Variants in SMPD4 observed in about 807,000 individuals in gnomAD.
SMPD4 encodes the protein sphingomyelin phosphodiesterase 4.
SMPD4 carries 58 observed loss-of-function variants against 97.8 expected under a neutral mutation model. That is an observed-to-expected ratio of 0.59 (90% CI 0.48 to 0.74). The LOEUF (loss-of-function observed/expected upper bound fraction) is 0.74. SMPD4 is among the 30% of genes least tolerant of loss of function. The pLI is 0.00. For missense variants in SMPD4, 853 were observed against 1,080.5 expected (o/e 0.79, Z 2.95); for synonymous variants, 388 against 450.0 (o/e 0.86, Z 1.74).
chr2:130,170,688 C>T (rs1688371062), intron 8 of SMPD4, among the ~76,000 whole-genome samples: 1 of 151,314 alleles, frequency 6.6e-6, no homozygotes, highest in South Asian at 2.1e-4. Context: ...CACTTGAGCT[C>T]AGGAGGTCAA....
In SMPD4 at chr2:130,171,807, G is replaced by A. The variant is rs530118341; in HGVS notation, c.659+542C>T. 3.9e-5 allele frequency among the ~76,000 whole-genome samples: 6 copies of A among 152,308 alleles called. No individual in the cohort carries two copies. In the South Asian group the frequency reaches 8.3e-4, roughly 21 times the overall value. On this transcript the variant is annotated intron_variant, in intron 8 of 19. Coordinates refer to ENST00000680298, the MANE Select transcript of SMPD4 (RefSeq NM_017951.5). Reference sequence around the variant, plus strand: ...AGGTGCACAGGCAGCTGCTGCTGGGGCAAGAGGGTCTCCTGGGAAGTCGGC... The same window carrying A: ...AGGTGCACAGGCAGCTGCTGCTGGGACAAGAGGGTCTCCTGGGAAGTCGGC...
At chr2:130,156,240 C>T (rs1301071915) in intron 13 of SMPD4, 105 bp from the exon 14 acceptor site, 21 of 986,260 alleles carry the variant, frequency 2.1e-5, no homozygotes, top group Non-Finnish European at 3.1e-5. Flanking sequence ...ACTCTTCTCA[C>T]TTCCTCCAGA....
chr2:130,175,746 T>C (rs1688931838), intron 2 of SMPD4, among the ~76,000 whole-genome samples: 1 of 152,170 alleles, frequency 6.6e-6, no homozygotes, highest in South Asian at 2.1e-4. Context: ...AATTTCAACC[T>C]AGAGAGCTTT....
intron 8 of SMPD4, among the ~76,000 whole-genome samples, chr2:130,171,040 G>T (rs1328832038): frequency 6.6e-6 from 1 of 151,534 alleles, no homozygotes; most frequent in Non-Finnish European, 1.5e-5. Flanking sequence ...CTCCAGCATG[G>T]GCGACAGAGT....
At chr2:130,173,870 G>A (rs1358685764) in intron 3 of SMPD4, among the ~76,000 whole-genome samples, 4 of 152,040 alleles carry the variant, frequency 2.6e-5, no homozygotes, top group African/African-American at 9.7e-5. Context: ...GGCATACCAA[G>A]CAGTGTTGCT....
intron 11 of SMPD4, among the ~76,000 whole-genome samples, chr2:130,159,791 C>T (rs1687210739): frequency 6.6e-6 from 1 of 152,132 alleles, no homozygotes; most frequent in Non-Finnish European, 1.5e-5. Flanking sequence ...CAATCCTGGC[C>T]TGGGATCCTG....
chr2:130,178,564 G>A (rs1280289924), intron 1 of SMPD4, among the ~76,000 whole-genome samples: 1 of 152,160 alleles, frequency 6.6e-6, no homozygotes, highest in Non-Finnish European at 1.5e-5. Flanking sequence ...GGAGGCCGCG[G>A]TGGGCAGATC....
chr2:130,153,210 G>T, intron 18 of SMPD4, 39 bp from the exon 19 acceptor site: 1 of 1,613,512 alleles, frequency 6.2e-7, no homozygotes, highest in Non-Finnish European at 8.5e-7. Flanking sequence ...AGAAAACACA[G>T]CCCCACACAC....
chr2:130,172,633 T>C lies in SMPD4; in HGVS notation c.499A>G (p.Thr167Ala), dbSNP rs1398639785. ...YIFFFALSLITQKPLPVSLHV... is the reference protein window; with the variant it reads ...YIFFFALSLIAQKPLPVSLHV... ...AGGCATCCCTTCCTTACCTTCTGAGTGATGAGGCTCAAGGCAAAGAAGAAT... is the reference window on the plus strand; with the variant it reads ...AGGCATCCCTTCCTTACCTTCTGAGCGATGAGGCTCAAGGCAAAGAAGAAT... The change falls in exon 7 of 20, where the codon ACT (threonine) becomes GCT (alanine). Residue 167 changes from threonine to alanine, a missense_variant. Coordinates refer to ENST00000680298, the MANE Select transcript of SMPD4 (RefSeq NM_017951.5). The C allele has an allele frequency of 6.2e-7, 1 of 1,613,956 alleles. No individual in the cohort carries two copies. The highest frequency in any genetic ancestry group is 8.5e-7 in the Non-Finnish European group (1 of 1,180,010).
chr2:130,155,950 A>G, intron 14 of SMPD4, 85 bp downstream of exon 14: 1 of 1,395,756 alleles, frequency 7.2e-7, no homozygotes, highest in South Asian at 1.2e-5. Flanking sequence ...ACCCCAGCAC[A>G]GGCCGCTGGC....
At position 130,151,519 on chromosome 2, in the gene SMPD4, A is replaced by G. The variant is rs989187603; in HGVS notation, c.*1036T>C. 1 of 147,002 alleles carries G rather than the reference A, an allele frequency of 6.8e-6. No homozygotes were observed. The highest frequency in any genetic ancestry group is 1.5e-5 in the Non-Finnish European group (1 of 67,202). 9.1% of individuals were successfully genotyped at this position (147,002 alleles called of 1,614,324 possible). On this transcript the variant is annotated 3_prime_UTR_variant, in exon 20 of 20. Coordinates refer to ENST00000680298, the MANE Select transcript of SMPD4 (RefSeq NM_017951.5). ...TTTACATCAAAATACAAAGCCCAAC[A>G]TTTACAATTTCAAAAACATTAAAGC...
Position 130,173,361 on chromosome 2 carries a change from A to G in SMPD4, c.270-7T>C. 2 of 1,611,432 alleles carry G rather than the reference A, an allele frequency of 1.2e-6. No individual in the cohort carries two copies. Among genetic ancestry groups the G allele is most frequent in the South Asian group, 1.1e-5 (1 of 90,370 alleles). ...CAACTTCATCATTGGGCCACTGAAC[A>G]CGAAATTGAACAAACAAACAAAAAC... is the stretch of plus-strand genomic sequence containing the variant. On this transcript the variant is annotated splice_region_variant and splice_polypyrimidine_tract_variant and intron_variant, in intron 4 of 19. Transcript: ENST00000680298.
At chr2:130,157,447 G>A in intron 11 of SMPD4, 51 bp from the exon 12 acceptor site, 1 of 1,607,806 alleles carries the variant, frequency 6.2e-7, no homozygotes, top group East Asian at 2.2e-5. Context: ...GGCACCCATA[G>A]CACTCCGCCT....
intron 11 of SMPD4, chr2:130,157,981 T>A (rs1255949360): frequency 1.4e-5 from 3 of 217,766 alleles, no homozygotes; most frequent in South Asian, 1.3e-4. Flanking sequence ...CTACAAAAAA[T>A]TTTTAAAAGT....
chr2:130,167,782 G>GAGA (rs1205876283), intron 8 of SMPD4, among the ~76,000 whole-genome samples, 192 bp from the exon 9 acceptor site: 1 of 152,198 alleles, frequency 6.6e-6, no homozygotes, highest in Non-Finnish European at 1.5e-5. Context: ...ATAGCAAAGA[G>GAGA]AGAAGTCTTC....
At chr2:130,179,622 A>T (rs1355856648) in intron 1 of SMPD4, among the ~76,000 whole-genome samples, 1 of 150,968 alleles carries the variant, frequency 6.6e-6, no homozygotes, top group Non-Finnish European at 1.5e-5. Context: ...CCTGGCCTCA[A>T]GTGATCCGCT....
chr2:130,171,263 C>T (rs1451016825), intron 8 of SMPD4, among the ~76,000 whole-genome samples: 1 of 151,550 alleles, frequency 6.6e-6, no homozygotes, highest in East Asian at 2.0e-4. Flanking sequence ...CACCACCATG[C>T]CCAGCTAATT....
chr2:130,176,564 C>T lies in SMPD4; in HGVS notation c.29G>A (p.Ser10Asn), dbSNP rs372972050. Residue 10 changes from serine to asparagine, a missense_variant, in exon 2 of 20, where the codon AGC becomes AAC. Physicochemically the swap from Ser to Asn is conservative, Grantham distance 46. Around this residue, in one of 3 missense-constraint regions of SMPD4, gnomAD observed 313 missense variants for 402.2 expected, o/e 0.78. Coordinates refer to ENST00000680298, the MANE Select transcript of SMPD4 (RefSeq NM_017951.5). MAFPHLQQP[S>N]FLLASLKADS... is the part of the protein sequence containing the mutation. The stretch of plus-strand genomic sequence containing the variant: ...GCAGTTGATATTTACCAGTAGAAAG[C>T]TGGGCTGCTGCAGGTGAGGGAACGC... The T allele has an allele frequency of 2.6e-5, 42 of 1,612,440 alleles. No individual in the cohort carries two copies. Among genetic ancestry groups the T allele is most frequent in the Non-Finnish European group, 3.4e-5 (40 of 1,179,408 alleles).
At chr2:130,170,051 A>G (rs1167019221) in intron 8 of SMPD4, among the ~76,000 whole-genome samples, 1 of 152,092 alleles carries the variant, frequency 6.6e-6, no homozygotes, top group Admixed American at 6.5e-5. Flanking sequence ...AAAAAAAAAA[A>G]AAGTTAAATT....
Sources: gnomAD v4.1 joint callset for allele counts (sites outside exome capture counted in the v4.1 genomes callset) on GRCh38, gnomAD v4.1.1 for gene constraint, gnomAD v4.1.1 regional missense constraint, MANE v1.5 for transcripts, NCBI Gene and HGNC (gene_info 2026-07-23, HGNC 2026-07-21) for gene names.